The following TBCB variants were observed in gnomAD, a reference collection of about 807,000 sequenced individuals.
TBCB encodes tubulin-folding cofactor B.
TBCB carries 18 observed loss-of-function variants against 29.2 expected under a neutral mutation model. The observed-to-expected ratio is 0.62, with a 90% confidence interval of 0.43 to 0.91. The LOEUF is 0.91. TBCB is among the 40% of genes least tolerant of loss of function. TBCB has a pLI of 0.00. For missense variants in TBCB, 336 were observed against 337.6 expected (o/e 1.00, Z 0.04); for synonymous variants, 172 against 137.8 (o/e 1.25, Z -1.74).
Position 36,121,726 on chromosome 19 carries a change from G to A in TBCB, c.547+8G>A. 1 of 1,548,960 alleles carries A rather than the reference G, an allele frequency of 6.5e-7. No homozygotes were observed. The highest frequency in any genetic ancestry group is 1.2e-5 in the South Asian group (1 of 83,174). On this transcript the variant is annotated splice_region_variant and intron_variant, in intron 4 of 5. Coordinates refer to ENST00000221855, the MANE Select transcript of TBCB (RefSeq NM_001281.3). ...GCACCGTCATGTATGTAGGTGCGTG[G>A]CTCGCGGGCCCGGTCCCGGGCTCCA...
chr19:36,121,782 G>A (rs1237364406), intron 4 of TBCB, 64 bp downstream of exon 4: 9 of 1,539,608 alleles, frequency 5.8e-6, no homozygotes, highest in South Asian at 4.8e-5. Context: ...AATGTTGGGG[G>A]CACAGTGGAG....
At chr19:36,121,928 G>A (rs1211836396) in intron 4 of TBCB, 11 of 672,602 alleles carry the variant, frequency 1.6e-5, no homozygotes, top group South Asian at 5.6e-5. Flanking sequence ...AGGCGCAGGC[G>A]GAGTGATCTG....
chr19:36,121,382 T>G (rs1435241187), intron 3 of TBCB, 145 bp from the exon 4 acceptor site: 1 of 982,794 alleles, frequency 1.0e-6, no homozygotes, highest in African/African-American at 1.6e-5. Context: ...GCTAAGGCTG[T>G]GGTGGGAGAC....
chr19:36,116,067 C>T lies in TBCB; in HGVS notation c.141C>T (p.Ser47=). The change falls in exon 2 of 6, where the codon AGC becomes AGT. Residue 47 remains serine (S), a synonymous_variant. Transcript: ENST00000221855. Reference sequence around the variant, plus strand: ...GTAAACTGGAGTTGCTGGTGGGCAGCCCTGCTTCCTGCATGGAACTGGAGC... The same window carrying T: ...GTAAACTGGAGTTGCTGGTGGGCAGTCCTGCTTCCTGCATGGAACTGGAGC... ...FKCKLELLVG[S]PASCMELELY... 6.2e-7 allele frequency: 1 copy of T among 1,614,150 alleles called. No homozygotes were observed.
rs943702631 is a variant in TBCB at position 36,115,479 on chromosome 19, A to T, written c.-82A>T. 2 of 1,061,894 alleles carry T rather than the reference A, an allele frequency of 1.9e-6. No homozygotes were observed. The highest frequency in any genetic ancestry group is 3.2e-5 in the African/African-American group (2 of 63,122). 65.8% of individuals were successfully genotyped at this position (1,061,894 alleles called of 1,614,324 possible). A position where few individuals can be genotyped will look rare whatever the true frequency, so the allele number is the denominator to read the frequency against. The stretch of plus-strand genomic sequence containing the variant: ...GAGCAGGAGGCGGGGCTGATAGCCC[A>T]GCAGCAGCAGCGGCGGCGGCGGCTG... On this transcript the variant is annotated 5_prime_UTR_variant, in exon 1 of 6. Transcript: ENST00000221855.
intron 3 of TBCB, 68 bp downstream of exon 3, chr19:36,120,874 C>T (rs535254823): frequency 1.4e-6 from 2 of 1,455,502 alleles, no homozygotes; most frequent in East Asian, 2.3e-5. Context: ...TGAGGGCGGG[C>T]AGGTTAGACA....
Position 36,116,142 on chromosome 19 carries a change from G to C in TBCB, c.216G>C (p.Ala72=). The C allele has an allele frequency of 6.2e-7, 1 of 1,614,172 alleles. No individual in the cohort carries two copies. The highest frequency in any genetic ancestry group is 8.5e-7 in the Non-Finnish European group (1 of 1,180,036). ...ACAGCAAGCTGGATCAAGAGGATGCGCTCCTGGGCTCCTACCCTGTAGATG... is the reference window on the plus strand; with the variant it reads ...ACAGCAAGCTGGATCAAGAGGATGCCCTCCTGGGCTCCTACCCTGTAGATG... ...KFYSKLDQED[A]LLGSYPVDDG... Residue 72 remains alanine, a synonymous_variant, in exon 2 of 6, where the codon GCG becomes GCC. Coordinates refer to ENST00000221855, the MANE Select transcript of TBCB (RefSeq NM_001281.3).
At chr19:36,122,176 G>T (rs975306643) in intron 4 of TBCB, 2 of 257,970 alleles carry the variant, frequency 7.8e-6, no homozygotes, top group Admixed American at 5.2e-5. Flanking sequence ...GGGTGCAGGT[G>T]AGCAGAGCGC....
At chr19:36,121,394 T>G in intron 3 of TBCB, 133 bp from the exon 4 acceptor site, 1 of 1,122,304 alleles carries the variant, frequency 8.9e-7, no homozygotes, top group Non-Finnish European at 1.2e-6. Flanking sequence ...GTGGGAGACC[T>G]GGGGCTTGGG....
At chr19:36,121,826 G>T (rs1435940684) in intron 4 of TBCB, 108 bp downstream of exon 4, 7 of 1,390,244 alleles carry the variant, frequency 5.0e-6, no homozygotes, top group Non-Finnish European at 6.9e-6. Context: ...GGGGCGCGGG[G>T]TTGGGGGGGA....
chr19:36,125,646 C>T lies in TBCB; in HGVS notation c.621-22C>T, dbSNP rs113262039. On this transcript the variant is annotated intron_variant, in intron 5 of 5. Transcript: ENST00000221855. ...CCATGTGAGGGTCCTCTGACCACAC[C>T]CACCCCTATCCTTTCCTGCAGTGTG... The T allele has an allele frequency of 4.1e-4, 645 of 1,592,404 alleles. 2 individuals carry two copies. In the African/African-American group the frequency reaches 7.5e-3, roughly 19 times the overall value.
intron 2 of TBCB, among the ~76,000 whole-genome samples, chr19:36,118,351 G>A (rs1157912089): frequency 8.5e-5 from 13 of 152,114 alleles, no homozygotes; most frequent in Non-Finnish European, 1.5e-4. Flanking sequence ...CATCAGTGAC[G>A]TCTGGGAGGA....
At chr19:36,118,146 T>C (rs1390301290) in intron 2 of TBCB, among the ~76,000 whole-genome samples, 1 of 152,232 alleles carries the variant, frequency 6.6e-6, no homozygotes, top group Non-Finnish European at 1.5e-5. Flanking sequence ...CTGCTTCTTT[T>C]TTCTCTCGTT....
At chr19:36,125,013 C>T (rs183609890) in intron 4 of TBCB, among the ~76,000 whole-genome samples, 1 of 152,104 alleles carries the variant, frequency 6.6e-6, no homozygotes, top group African/African-American at 2.4e-5. Flanking sequence ...GGGATGCTGT[C>T]TTTTGTCGCT....
intron 4 of TBCB, among the ~76,000 whole-genome samples, chr19:36,122,999 C>G (rs1288962013): frequency 1.3e-5 from 2 of 151,820 alleles, no homozygotes; most frequent in African/African-American, 4.9e-5. Context: ...TAATTTACGT[C>G]TGTCTCTAAT....
In TBCB at chr19:36,122,679, C is replaced by T. The variant is rs148504570; in HGVS notation, c.547+961C>T. ...CTGAGGTGGGAGGATGGCTTGAGCC[C>T]GGGAGTTGAGGCTGCAGTGAGCTAT... On this transcript the variant is annotated intron_variant, in intron 4 of 5. Coordinates refer to ENST00000221855, the MANE Select transcript of TBCB (RefSeq NM_001281.3). Among the ~76,000 whole-genome samples, 1,198 of 148,122 alleles carry T rather than the reference C, an allele frequency of 8.1e-3. 18 individuals carry two copies. The highest frequency in any genetic ancestry group is 0.028 in the African/African-American group (1,123 of 39,768).
intron 2 of TBCB, among the ~76,000 whole-genome samples, chr19:36,117,141 C>T (rs889782968): frequency 6.6e-6 from 1 of 152,194 alleles, no homozygotes; most frequent in Non-Finnish European, 1.5e-5. Context: ...TTCCTTTCCC[C>T]TTCTTTGCTT....
chr19:36,119,913 A>T (rs1030866379), intron 2 of TBCB, among the ~76,000 whole-genome samples: 3 of 148,822 alleles, frequency 2.0e-5, no homozygotes, highest in African/African-American at 4.9e-5. Context: ...AAAAAAACCC[A>T]AAGTCTCCAG....
intron 2 of TBCB, chr19:36,120,390 CAGGGCTGTGGGCA>C (rs1974024948): frequency 2.8e-6 from 1 of 363,600 alleles, no homozygotes; most frequent in Non-Finnish European, 5.2e-6. Flanking sequence ...GCGCTGTGCA[CAGGGCTGTGGGCA>C]AGGCCTGAGC....
Sources: gnomAD v4.1 joint callset for allele counts (sites outside exome capture counted in the v4.1 genomes callset) on GRCh38, gnomAD v4.1.1 for gene constraint, MANE v1.5 for transcripts, NCBI Gene and HGNC (gene_info 2026-07-23, HGNC 2026-07-21) for gene names.